Variants in CASD1 observed in about 807,000 individuals in gnomAD.
CASD1 encodes CAS1 domain sialic acid O acetyltransferase 1, also known as N-acetylneuraminate (7)9-O-acetyltransferase.
Under a neutral mutation model 100.0 loss-of-function variants are expected in CASD1, and 41 were observed. The ratio of observed to expected loss-of-function variants is 0.41; its 90% CI spans 0.32 to 0.53. The LOEUF (loss-of-function observed/expected upper bound fraction) is 0.53, where lower values mean the gene tolerates loss of function less well. CASD1 is among the 20% of genes least tolerant of loss of function. The pLI is 0.25. For synonymous variants in CASD1, 321 were observed against 315.6 expected, an observed-to-expected ratio of 1.02 and a Z score of -0.18; for missense variants, 774 against 948.7, an observed-to-expected ratio of 0.82 and a Z score of 2.42.
chr7:94,538,365 T>G (rs1366774756), intron 9 of CASD1, among the ~76,000 whole-genome samples: 1 of 152,192 alleles, frequency 6.6e-6, no homozygotes, highest in Non-Finnish European at 1.5e-5. Flanking sequence ...CTACTCACAG[T>G]ATTCTGATTT....
chr7:94,553,829 A>C (rs1053269775), intron 16 of CASD1: 1 of 143,954 alleles, frequency 6.9e-6, no homozygotes, highest in African/African-American at 2.6e-5. Context: ...AAGAAAATGC[A>C]AGATTGTTCC....
the CASD1 span, chr7:94,618,880 A>C: frequency 6.2e-7 from 1 of 1,614,060 alleles, no homozygotes; most frequent in Admixed American, 1.7e-5. Flanking sequence ...GAAAGTCTCC[A>C]AGAACCTCAC....
the CASD1 span, among the ~76,000 whole-genome samples, chr7:94,576,778 C>T: frequency 4.6e-5 from 7 of 152,294 alleles, no homozygotes; most frequent in South Asian, 1.5e-3. Context: ...TTGATTTCTC[C>T]TGGACTTAAT....
the CASD1 span, chr7:94,600,654 C>A: frequency 2.5e-6 from 4 of 1,612,252 alleles, 1 homozygote; most frequent in South Asian, 4.4e-5. Context: ...ACACGCCTTC[C>A]CGTCGGCAGC....
At chr7:94,567,672 C>A in the CASD1 span, among the ~76,000 whole-genome samples, 5 of 152,120 alleles carry the variant, frequency 3.3e-5, no homozygotes, top group Non-Finnish European at 5.9e-5. Context: ...CCTATGCCTG[C>A]TAGCTTCTTT....
chr7:94,623,314 T>C, the CASD1 span: 1 of 1,517,690 alleles, frequency 6.6e-7, no homozygotes, highest in South Asian at 1.2e-5. Flanking sequence ...TCAACATATT[T>C]TCATACCTAC....
chr7:94,625,333 T>C, the CASD1 span: 1 of 152,036 alleles, frequency 6.6e-6, no homozygotes, highest in South Asian at 2.1e-4. Context: ...TAAGTCACTA[T>C]ATTATATGAA....
chr7:94,537,575 C>T lies in CASD1; in HGVS notation c.947C>T (p.Ala316Val), dbSNP rs1172012616. 1 of 1,613,812 alleles carries T rather than the reference C, an allele frequency of 6.2e-7. No individual in the cohort carries two copies. The highest frequency in any genetic ancestry group is 8.5e-7 in the Non-Finnish European group (1 of 1,179,800). ...CCTGTTACTCTCATACAGAAGCTAG[C>T]TGCTTGTTTTTTCACTTTATCTATT... is the stretch of plus-strand genomic sequence containing the variant. ...RPPVTLIQKL[A>V]ACFFTLSIIG... The change falls in exon 9 of 18, where the codon GCT becomes GTT. Residue 316 changes from alanine (A) to valine (V), a missense_variant. Physicochemically the swap from Ala to Val is moderately conservative, Grantham distance 64. This residue lies in a region of CASD1 where 453 missense variants were observed against 532.6 expected (regional missense o/e 0.85). Transcript: ENST00000297273.
the CASD1 span, among the ~76,000 whole-genome samples, chr7:94,573,544 A>G: frequency 6.6e-6 from 1 of 152,166 alleles, no homozygotes; most frequent in African/African-American, 2.4e-5. Flanking sequence ...TTGTTGGTGT[A>G]TAGAAATGCT....
At chr7:94,520,663 A>G (rs1425583021) in intron 3 of CASD1, among the ~76,000 whole-genome samples, 1 of 152,226 alleles carries the variant, frequency 6.6e-6, no homozygotes, top group Non-Finnish European at 1.5e-5. Context: ...AGGTTTAAAA[A>G]ATACTGTTGA....
the CASD1 span, among the ~76,000 whole-genome samples, chr7:94,571,612 T>G: frequency 6.6e-6 from 1 of 152,152 alleles, no homozygotes; most frequent in Non-Finnish European, 1.5e-5. Flanking sequence ...AGGGAAATTG[T>G]TTCCTGGAAA....
chr7:94,608,662 A>C, the CASD1 span, among the ~76,000 whole-genome samples: 1 of 152,198 alleles, frequency 6.6e-6, no homozygotes, highest in African/African-American at 2.4e-5. Flanking sequence ...ACACTACCCA[A>C]CATCAAGATT....
the CASD1 span, among the ~76,000 whole-genome samples, chr7:94,611,527 G>T: frequency 6.6e-6 from 1 of 152,060 alleles, no homozygotes; most frequent in Non-Finnish European, 1.5e-5. Flanking sequence ...ACAAGGGTGG[G>T]TGTGTGGTGT....
chr7:94,523,505 G>A (rs1302535349), intron 3 of CASD1, among the ~76,000 whole-genome samples: 2 of 152,152 alleles, frequency 1.3e-5, no homozygotes, highest in African/African-American at 4.8e-5. Flanking sequence ...AGCAAATGTG[G>A]AAGATCTGTA....
At chr7:94,598,745 T>C in the CASD1 span, 1 of 1,438,524 alleles carries the variant, frequency 7.0e-7, no homozygotes, top group African/African-American at 1.4e-5. Flanking sequence ...ACATGCATAT[T>C]AATAATTATG....
At chr7:94,515,413 TG>T (rs1341555929) in intron 1 of CASD1, among the ~76,000 whole-genome samples, 1 of 92,330 alleles carries the variant, frequency 1.1e-5, no homozygotes, top group Non-Finnish European at 2.1e-5. Context: ...CATTTTGCTA[TG>T]GTTTTTTTTT....
At chr7:94,560,629 A>G (rs757526218), downstream of CASD1, among the ~76,000 whole-genome samples, 2 of 152,206 alleles carry the variant, frequency 1.3e-5, no homozygotes, top group Non-Finnish European at 2.9e-5. Context: ...GCAAGAATAT[A>G]TAGATTAATG....
At chr7:94,552,480 G>T (rs1278325921) in intron 16 of CASD1, 53 bp downstream of exon 16, 4 of 1,340,562 alleles carry the variant, frequency 3.0e-6, no homozygotes, top group South Asian at 1.3e-5. Flanking sequence ...ATAAGAAAAT[G>T]GTTTTTAGAG....
chr7:94,590,732 G>A, the CASD1 span: 1 of 152,186 alleles, frequency 6.6e-6, no homozygotes, highest in Non-Finnish European at 1.5e-5. Flanking sequence ...AAACAAGGGA[G>A]TTAGGAATCC....
Sources: gnomAD v4.1 joint callset for allele counts (sites outside exome capture counted in the v4.1 genomes callset) on GRCh38, gnomAD v4.1.1 for gene constraint, gnomAD v4.1.1 regional missense constraint, MANE v1.5 for transcripts, NCBI Gene and HGNC (gene_info 2026-07-23, HGNC 2026-07-21) for gene names.